The following TF variants were observed in gnomAD, a reference collection of about 807,000 sequenced individuals.
The protein encoded by TF is serotransferrin.
TF carries 55 observed loss-of-function variants against 82.4 expected under a neutral mutation model. That is an observed-to-expected ratio of 0.67 (90% confidence interval 0.54 to 0.84). The LOEUF is 0.84. Ranked by LOEUF, TF falls within the 40% of genes least tolerant of loss-of-function variation. The pLI, the probability that TF is intolerant of heterozygous loss-of-function variation, is 0.00. For synonymous variants in TF, 332 were observed against 332.6 expected (o/e 1.00, Z 0.02); for missense variants, 737 against 868.4 (o/e 0.85, Z 1.90).
chr3:133,786,441 A>G lies in TF; in HGVS notation c.*7821A>G, dbSNP rs1457204940. On this transcript the variant is annotated 3_prime_UTR_variant, in exon 17 of 17. Transcript: ENST00000402696. ...CACTGGTTCAGGGGAGGAGAGAGGA[A>G]AGGAAGTGTAAGAGCTCTATGCCAA... 1 of 152,146 alleles carries G rather than the reference A, an allele frequency of 6.6e-6. No individual in the cohort carries two copies. The highest frequency in any genetic ancestry group is 1.5e-5 in the Non-Finnish European group (1 of 68,032). The allele number at this position is 152,146 out of a possible 1,614,324, so 9.4% of individuals were successfully genotyped here.
chr3:133,750,919 G>A (rs1003486488), intron 2 of TF, among the ~76,000 whole-genome samples: 11 of 152,164 alleles, frequency 7.2e-5, no homozygotes, highest in Admixed American at 7.2e-4. Context: ...GAGGACTGGG[G>A]AAGGGAAGGT....
chr3:133,728,982 C>T, the TF span, among the ~76,000 whole-genome samples: 14 of 152,132 alleles, frequency 9.2e-5, no homozygotes, highest in Non-Finnish European at 1.6e-4. Flanking sequence ...TTTTGTGAAC[C>T]GCGAATGCTG....
chr3:133,696,984 A>T, the TF span, among the ~76,000 whole-genome samples: 1 of 152,196 alleles, frequency 6.6e-6, no homozygotes, highest in Non-Finnish European at 1.5e-5. Context: ...TGCTAAGCTC[A>T]TTTTTATAAT....
At chr3:133,665,935 CA>C in the TF span, among the ~76,000 whole-genome samples, 343 of 52,094 alleles carry the variant, frequency 6.6e-3, 4 homozygotes, top group East Asian at 0.14. Context: ...AACTCCATCT[CA>C]AAAAAAAAAA....
At chr3:133,755,118 G>A (rs553439136) in intron 4 of TF, among the ~76,000 whole-genome samples, 1 of 152,354 alleles carries the variant, frequency 6.6e-6, no homozygotes, top group African/African-American at 2.4e-5. Flanking sequence ...AGAAAGACCC[G>A]AGATAGGCCT....
Position 133,759,182 on chromosome 3 carries a change from A to G in TF, c.1056A>G (p.Glu352=). The change falls in exon 9 of 17, where the codon GAA becomes GAG. Residue 352 remains glutamate (E), a synonymous_variant. Transcript: ENST00000402696. The part of the protein sequence containing the change: ...IRNLREGTCP[E]APTDECKPVK... ...TCTTTTTTTATGCCATAGGCCCAGA[A>G]GCCCCAACAGATGAATGCAAGCCTG... 6.2e-7 allele frequency: 1 copy of G among 1,614,178 alleles called. No homozygotes were observed. The highest frequency in any genetic ancestry group is 8.5e-7 in the Non-Finnish European group (1 of 1,180,030).
At chr3:133,686,989 T>C in the TF span, among the ~76,000 whole-genome samples, 1 of 152,188 alleles carries the variant, frequency 6.6e-6, no homozygotes, top group African/African-American at 2.4e-5. Context: ...ATGTGGCACA[T>C]ATACACCATG....
rs969644204 is a variant in TF at position 133,754,523 on chromosome 3, T to C, written c.354T>C (p.Ala118=). 5 of 1,614,052 alleles carry C rather than the reference T, an allele frequency of 3.1e-6. No individual in the cohort carries two copies. In the Admixed American group the frequency reaches 6.7e-5, roughly 22 times the overall value. Residue 118 remains alanine, a synonymous_variant, in exon 4 of 17, where the codon GCT becomes GCC. Coordinates refer to ENST00000402696, the MANE Select transcript of TF (RefSeq NM_001063.4). ...EDPQTFYYAV[A]VVKKDSGFQM... ...CACAGACTTTCTATTATGCTGTTGC[T>C]GTGGTGAAGAAGGATAGTGGCTTCC...
In TF at chr3:133,757,947, G is replaced by A; in HGVS notation, c.1048+1G>A. 1.2e-6 allele frequency: 2 copies of A among 1,613,960 alleles called. No homozygotes were observed. The highest frequency in any genetic ancestry group is 1.7e-6 in the Non-Finnish European group (2 of 1,180,002). On this transcript the variant is annotated splice_donor_variant, in intron 8 of 16. Transcript: ENST00000402696. LOFTEE classifies it high-confidence loss of function. ...ATCCGGAATCTACGGGAAGGCACAT[G>A]TGAGTACCTGGGAAGAACCAGGTGA...
At chr3:133,774,927 C>T (rs1356053289) in intron 14 of TF, 2 of 379,006 alleles carry the variant, frequency 5.3e-6, no homozygotes, top group East Asian at 7.5e-5. Flanking sequence ...GGATACAGAC[C>T]TGTATCACAC....
At chr3:133,747,167 C>G (rs1166486351) in intron 1 of TF, 1 of 155,234 alleles carries the variant, frequency 6.4e-6, no homozygotes, top group Admixed American at 6.3e-5. Flanking sequence ...GGGCATTTGT[C>G]ACACTGTTGG....
the TF span, among the ~76,000 whole-genome samples, chr3:133,707,832 A>G: frequency 5.9e-5 from 9 of 152,244 alleles, no homozygotes; most frequent in African/African-American, 2.2e-4. Context: ...TGAAATATTC[A>G]TGATATTCTC....
rs1386342853 is a variant in TF, at chr3:133,792,070, T to C, written c.*13450T>C. On this transcript the variant is annotated 3_prime_UTR_variant, in exon 17 of 17. Coordinates refer to ENST00000402696, the MANE Select transcript of TF (RefSeq NM_001063.4). ...CAGGTCAGATATTAGATTTGCAAAATGCTTTAAGGTCATAAACCGCTTCTT... is the reference window on the plus strand; with the variant it reads ...CAGGTCAGATATTAGATTTGCAAAACGCTTTAAGGTCATAAACCGCTTCTT... 1 of 152,198 alleles carries C rather than the reference T, an allele frequency of 6.6e-6. No homozygotes were observed. Among genetic ancestry groups the C allele is most frequent in the Non-Finnish European group, 1.5e-5 (1 of 68,032 alleles). 9.4% of individuals were successfully genotyped at this position (152,198 alleles called of 1,614,324 possible).
At chr3:133,730,291 A>T in the TF span, among the ~76,000 whole-genome samples, 1 of 152,130 alleles carries the variant, frequency 6.6e-6, no homozygotes, top group Non-Finnish European at 1.5e-5. Flanking sequence ...TGGAAATGGC[A>T]TTTTCACATC....
chr3:133,696,771 G>A, the TF span, among the ~76,000 whole-genome samples: 1 of 148,936 alleles, frequency 6.7e-6, no homozygotes, highest in Non-Finnish European at 1.5e-5. Context: ...TTATTGCCAT[G>A]GACAAAAGTG....
At chr3:133,741,415 T>C (rs1322211612), upstream of TF, among the ~76,000 whole-genome samples, 1 of 152,196 alleles carries the variant, frequency 6.6e-6, no homozygotes, top group Non-Finnish European at 1.5e-5. Context: ...CTATTTCTTT[T>C]TCTTGCCTGA....
intron 12 of TF, 40 bp downstream of exon 12, chr3:133,766,473 C>T (rs750078285): frequency 6.2e-7 from 1 of 1,613,306 alleles, no homozygotes; most frequent in Non-Finnish European, 8.5e-7. Context: ...GAGGGCCATG[C>T]CAGAAAGCAG....
chr3:133,710,941 G>C, the TF span, among the ~76,000 whole-genome samples: 1 of 152,158 alleles, frequency 6.6e-6, no homozygotes, highest in Non-Finnish European at 1.5e-5. Context: ...CCTCAGGAAG[G>C]ATTCTGGTCA....
chr3:133,721,023 T>C, the TF span, among the ~76,000 whole-genome samples: 3 of 152,126 alleles, frequency 2.0e-5, no homozygotes, highest in Non-Finnish European at 4.4e-5. Flanking sequence ...CAATTTGGTT[T>C]ACCTTTTCAA....
Sources: allele counts gnomAD v4.1 joint callset (sites outside exome capture counted in the v4.1 genomes callset), GRCh38; gene constraint gnomAD v4.1.1; transcripts MANE v1.5; gene names NCBI Gene and HGNC (gene_info 2026-07-23, HGNC 2026-07-21).